SDCCAG8: variants seen among roughly 807,000 people sequenced by gnomAD.
SDCCAG8 encodes the protein SHH signaling and ciliogenesis regulator SDCCAG8.
Under a neutral mutation model 101.8 loss-of-function variants are expected in SDCCAG8, and 74 were observed. The ratio of observed to expected loss-of-function variants is 0.73; its 90% CI spans 0.60 to 0.88. The LOEUF is 0.88. Ranked by LOEUF, SDCCAG8 falls within the 40% of genes least tolerant of loss-of-function variation. The pLI is 0.00. For synonymous variants in SDCCAG8, 281 were observed against 292.9 expected, an observed-to-expected ratio of 0.96 and a Z score of 0.41; for missense variants, 787 against 822.6, an observed-to-expected ratio of 0.96 and a Z score of 0.53.
At chr1:243,380,891 A>G in intron 13 of SDCCAG8, among the ~76,000 whole-genome samples, 1 of 152,182 alleles carries the variant, frequency 6.6e-6, no homozygotes, top group East Asian at 1.9e-4. Context: ...CTTTGCACTG[A>G]CAATGTGATT....
At chr1:243,360,049 G>A (rs1446816086) in intron 12 of SDCCAG8, among the ~76,000 whole-genome samples, 2 of 151,536 alleles carry the variant, frequency 1.3e-5, no homozygotes, top group Non-Finnish European at 2.9e-5. Flanking sequence ...TTTTTCAGAT[G>A]CTTTTCTTCT....
At chr1:243,281,208 T>C (rs2069005042) in intron 4 of SDCCAG8, among the ~76,000 whole-genome samples, 2 of 152,166 alleles carry the variant, frequency 1.3e-5, no homozygotes, top group South Asian at 4.1e-4. Context: ...TTCTATTGAT[T>C]AGTGTTAACA....
At position 243,341,119 on chromosome 1, in the gene SDCCAG8, T is replaced by C. The variant is rs2075358834; in HGVS notation, c.1302T>C (p.Asn434=). 6.2e-7 allele frequency: 1 copy of C among 1,613,948 alleles called. No individual in the cohort carries two copies. The highest frequency in any genetic ancestry group is 1.1e-5 in the South Asian group (1 of 91,088). Residue 434 remains asparagine (N), a synonymous_variant, in exon 11 of 18, where the codon AAT becomes AAC. Transcript: ENST00000366541. ...KVTKEKISAI[N]QLEEIQSQLA... The stretch of plus-strand genomic sequence containing the variant: ...CAAAGGAAAAGATTTCAGCTATTAA[T>C]CAACTGGAGGAAATTCAAAGCCAGC...
chr1:243,413,182 T>C (rs866450778), intron 13 of SDCCAG8, among the ~76,000 whole-genome samples: 14 of 152,142 alleles, frequency 9.2e-5, no homozygotes, highest in Admixed American at 5.9e-4. Context: ...CAGTAGTTCT[T>C]TTCTATAGTC....
At chr1:243,399,667 C>T (rs1421655953) in intron 13 of SDCCAG8, among the ~76,000 whole-genome samples, 2 of 151,998 alleles carry the variant, frequency 1.3e-5, no homozygotes, top group Admixed American at 6.6e-5. Flanking sequence ...CCATCACACT[C>T]GGCTAATTTT....
At chr1:243,345,927 T>C (rs2075676451) in intron 12 of SDCCAG8, among the ~76,000 whole-genome samples, 1 of 152,252 alleles carries the variant, frequency 6.6e-6, no homozygotes, top group South Asian at 2.1e-4. Context: ...GTAGTTTTCA[T>C]AATGACGTTT....
At chr1:243,465,342 G>C (rs946791296) in intron 16 of SDCCAG8, among the ~76,000 whole-genome samples, 3 of 152,224 alleles carry the variant, frequency 2.0e-5, no homozygotes, top group African/African-American at 7.2e-5. Flanking sequence ...TGGAGCTGGA[G>C]GCAGTAGCGA....
At chr1:243,258,682 G>T (rs2066953798) in intron 1 of SDCCAG8, among the ~76,000 whole-genome samples, 1 of 152,206 alleles carries the variant, frequency 6.6e-6, no homozygotes, top group Non-Finnish European at 1.5e-5. Context: ...GGGGTTATAG[G>T]CGTGAGCCAC....
intron 16 of SDCCAG8, among the ~76,000 whole-genome samples, chr1:243,488,767 T>C (rs1313624650): frequency 6.6e-6 from 1 of 152,180 alleles, no homozygotes; most frequent in Non-Finnish European, 1.5e-5. Context: ...ACCCCACTTA[T>C]CTGCGTGTTT....
intron 10 of SDCCAG8, among the ~76,000 whole-genome samples, chr1:243,337,032 G>C (rs1211438711): frequency 2.6e-5 from 4 of 152,112 alleles, no homozygotes; most frequent in Non-Finnish European, 5.9e-5. Context: ...GGTGGGTTTT[G>C]TTGCAATTGC....
chr1:243,307,532 G>A (rs1473199087), intron 7 of SDCCAG8: 5 of 983,744 alleles, frequency 5.1e-6, no homozygotes, highest in African/African-American at 1.7e-5. Flanking sequence ...GAACTTTTAA[G>A]ACACTCTAAA....
chr1:243,364,042 G>A (rs1459973984), intron 12 of SDCCAG8, among the ~76,000 whole-genome samples: 2 of 152,080 alleles, frequency 1.3e-5, no homozygotes, highest in Admixed American at 1.3e-4. Context: ...ATAACCCACA[G>A]CTAAAGTGAG....
intron 12 of SDCCAG8, among the ~76,000 whole-genome samples, chr1:243,345,330 T>C (rs1265173349): frequency 6.6e-6 from 1 of 152,198 alleles, no homozygotes; most frequent in African/African-American, 2.4e-5. Flanking sequence ...TCCTTAGTAC[T>C]AAATTAAAAT....
At chr1:243,493,843 A>C (rs1439527462) in intron 17 of SDCCAG8, among the ~76,000 whole-genome samples, 1 of 151,826 alleles carries the variant, frequency 6.6e-6, no homozygotes, top group Non-Finnish European at 1.5e-5. Flanking sequence ...AGAGACACAG[A>C]AGATGATGAA....
chr1:243,370,951 G>A (rs917387307), intron 12 of SDCCAG8, among the ~76,000 whole-genome samples: 1 of 152,112 alleles, frequency 6.6e-6, no homozygotes, highest in Non-Finnish European at 1.5e-5. Context: ...TTGATTCTTA[G>A]GCTGGCGTGG....
At chr1:243,479,843 T>C (rs1292757718) in intron 16 of SDCCAG8, among the ~76,000 whole-genome samples, 1 of 152,138 alleles carries the variant, frequency 6.6e-6, no homozygotes, top group Non-Finnish European at 1.5e-5. Context: ...GTGTGATTAA[T>C]ACTGTGAATT....
At chr1:243,447,960 C>T (rs1000903149) in intron 16 of SDCCAG8, among the ~76,000 whole-genome samples, 8 of 152,148 alleles carry the variant, frequency 5.3e-5, no homozygotes, top group African/African-American at 1.9e-4. Flanking sequence ...ATAGTTTCTG[C>T]GTGGCTTTGT....
intron 16 of SDCCAG8, among the ~76,000 whole-genome samples, chr1:243,485,400 C>T (rs779606978): frequency 6.6e-6 from 1 of 152,180 alleles, no homozygotes; most frequent in Non-Finnish European, 1.5e-5. Flanking sequence ...CAGTCATCAA[C>T]AGTGCTATTT....
At chr1:243,327,678 A>G (rs548320926) in intron 9 of SDCCAG8, among the ~76,000 whole-genome samples, 41 of 152,232 alleles carry the variant, frequency 2.7e-4, no homozygotes, top group Non-Finnish European at 5.3e-4. Context: ...AAGAAACTCT[A>G]GAATTAAGAG....
Sources: allele counts gnomAD v4.1 joint callset (sites outside exome capture counted in the v4.1 genomes callset), GRCh38; gene constraint gnomAD v4.1.1; transcripts MANE v1.5; gene names NCBI Gene and HGNC (gene_info 2026-07-23, HGNC 2026-07-21).